Variants in GLIS3 observed in about 807,000 individuals in gnomAD.
GLIS3 encodes zinc finger protein GLIS3.
In GLIS3, 53 loss-of-function variants were observed where a neutral mutation model predicts 78.6. The observed-to-expected ratio is 0.67, with a 90% CI of 0.54 to 0.85. The LOEUF is 0.85. Among genes scored for constraint, GLIS3 ranks in the 40% least tolerant of loss-of-function variants. The pLI is 0.00. For synonymous variants in GLIS3, 684 were observed against 509.9 expected, an observed-to-expected ratio of 1.34 and a Z score of -4.60; for missense variants, 1,703 against 1,231.1, an observed-to-expected ratio of 1.38 and a Z score of -5.74.
chr9:4,293,376 T>C (rs1317708418), intron 1 of GLIS3, among the ~76,000 whole-genome samples: 3 of 152,250 alleles, frequency 2.0e-5, no homozygotes, highest in African/African-American at 4.8e-5. Context: ...GATGTAACTA[T>C]TTCTGGCTGT....
chr9:4,417,398 G>A, the GLIS3 span, among the ~76,000 whole-genome samples: 5 of 152,162 alleles, frequency 3.3e-5, no homozygotes, highest in Non-Finnish European at 5.9e-5. Context: ...ACACTTTGAA[G>A]ATAAATCAAT....
chr9:4,394,394 G>A, the GLIS3 span, among the ~76,000 whole-genome samples: 1 of 151,878 alleles, frequency 6.6e-6, no homozygotes, highest in Non-Finnish European at 1.5e-5. Context: ...GTAATATGGG[G>A]TGGTTGTGAG....
chr9:4,294,310 A>G (rs1816286950), intron 1 of GLIS3, among the ~76,000 whole-genome samples: 2 of 152,160 alleles, frequency 1.3e-5, no homozygotes, highest in African/African-American at 2.4e-5. Context: ...GGAGTTCGAG[A>G]CCAGTCTGAC....
At chr9:4,267,573 T>C (rs758771124) in intron 2 of GLIS3, among the ~76,000 whole-genome samples, 6 of 152,208 alleles carry the variant, frequency 3.9e-5, no homozygotes, top group Admixed American at 1.3e-4. Flanking sequence ...TAGCTACCGA[T>C]AGCACCACCA....
chr9:4,335,144 G>A (rs1459855699), intron 2 of GLIS3, among the ~76,000 whole-genome samples: 8 of 151,982 alleles, frequency 5.3e-5, no homozygotes, highest in Non-Finnish European at 7.4e-5. Flanking sequence ...TCCTGACCTC[G>A]TGATCCACCC....
At chr9:4,100,214 C>A (rs573892025) in intron 4 of GLIS3, among the ~76,000 whole-genome samples, 5 of 152,284 alleles carry the variant, frequency 3.3e-5, no homozygotes, top group African/African-American at 9.6e-5. Flanking sequence ...TAGGTTTACA[C>A]TGGGAAGTCA....
At chr9:4,403,158 T>C in the GLIS3 span, among the ~76,000 whole-genome samples, 623 of 152,252 alleles carry the variant, frequency 4.1e-3, 3 homozygotes, top group Middle Eastern at 0.01. Context: ...TAGGAAAGAA[T>C]GGCATGACAT....
chr9:4,439,030 T>A, the GLIS3 span, among the ~76,000 whole-genome samples: 76 of 152,320 alleles, frequency 5.0e-4, no homozygotes, highest in African/African-American at 1.7e-3. Flanking sequence ...TAATGTGCCA[T>A]CAAAATATAA....
At chr9:4,328,278 C>A (rs981713723) in intron 2 of GLIS3, among the ~76,000 whole-genome samples, 1 of 152,168 alleles carries the variant, frequency 6.6e-6, no homozygotes, top group Non-Finnish European at 1.5e-5. Flanking sequence ...TAGCTTGGAT[C>A]ATGCTGTGGC....
intron 1 of GLIS3, among the ~76,000 whole-genome samples, chr9:4,287,078 T>G (rs537201194): frequency 6.6e-6 from 1 of 152,288 alleles, no homozygotes; most frequent in South Asian, 2.1e-4. Flanking sequence ...ACCATAAAAT[T>G]TTTATATATC....
chr9:4,378,216 A>G, the GLIS3 span, among the ~76,000 whole-genome samples: 5 of 152,198 alleles, frequency 3.3e-5, no homozygotes, highest in Admixed American at 6.5e-5. Flanking sequence ...ATATATATAT[A>G]TAATTAATCC....
chr9:4,166,045 G>C (rs930108777), intron 2 of GLIS3, among the ~76,000 whole-genome samples: 2 of 152,156 alleles, frequency 1.3e-5, no homozygotes, highest in Non-Finnish European at 2.9e-5. Flanking sequence ...TTCAAAGCCT[G>C]GGCTACTGCT....
intron 4 of GLIS3, among the ~76,000 whole-genome samples, chr9:4,077,287 T>A (rs1828159777): frequency 6.6e-6 from 1 of 152,160 alleles, no homozygotes; most frequent in African/African-American, 2.4e-5. Context: ...ATACAGAAAG[T>A]ATGCACATTC....
chr9:3,999,791 C>T (rs1203139373), intron 4 of GLIS3, among the ~76,000 whole-genome samples: 2 of 152,072 alleles, frequency 1.3e-5, no homozygotes, highest in Admixed American at 6.5e-5. Context: ...GAAGAATTAA[C>T]AGCTAAGAAC....
chr9:4,141,670 C>T (rs1833827221), intron 2 of GLIS3, among the ~76,000 whole-genome samples: 1 of 152,164 alleles, frequency 6.6e-6, no homozygotes, highest in South Asian at 2.1e-4. Flanking sequence ...TTCTTGTATA[C>T]ATAAATTGGT....
At chr9:4,467,513 C>A in the GLIS3 span, among the ~76,000 whole-genome samples, 501 of 152,326 alleles carry the variant, frequency 3.3e-3, 6 homozygotes, top group African/African-American at 8.0e-3. Flanking sequence ...GATACCCAGG[C>A]AAACAGCGTC....
At chr9:4,058,789 G>GA (rs1390258159) in intron 4 of GLIS3, among the ~76,000 whole-genome samples, 1 of 152,022 alleles carries the variant, frequency 6.6e-6, no homozygotes, top group Non-Finnish European at 1.5e-5. Flanking sequence ...GACCATCCTG[G>GA]CTAACACAGT....
At chr9:4,345,357 CTTTAT>C (rs766014562) in intron 2 of GLIS3, among the ~76,000 whole-genome samples, 8 of 152,274 alleles carry the variant, frequency 5.3e-5, no homozygotes, top group Admixed American at 3.9e-4. Flanking sequence ...ATCCTATCTA[CTTTAT>C]TTTGTTTATT....
chr9:4,445,129 G>T, the GLIS3 span, among the ~76,000 whole-genome samples: 1 of 152,136 alleles, frequency 6.6e-6, no homozygotes, highest in Non-Finnish European at 1.5e-5. Flanking sequence ...ATGAGGTGTG[G>T]GAGAGAAGGC....
Sources: gnomAD v4.1 joint callset for allele counts (sites outside exome capture counted in the v4.1 genomes callset) on GRCh38, gnomAD v4.1.1 for gene constraint, MANE v1.5 for transcripts, NCBI Gene and HGNC (gene_info 2026-07-23, HGNC 2026-07-21) for gene names.